Variants in CNTN3 observed in about 807,000 individuals in gnomAD.
CNTN3 encodes contactin-3.
A neutral mutation model predicts 119.1 loss-of-function variants in CNTN3; 60 were observed. The ratio of observed to expected loss-of-function variants is 0.50; its 90% CI spans 0.41 to 0.62. The LOEUF is 0.62. CNTN3 is among the 20% of genes least tolerant of loss of function. The pLI, the probability that CNTN3 is intolerant of heterozygous loss-of-function variation, is 0.00. For missense variants in CNTN3, 1,101 were observed against 1,242.4 expected, an observed-to-expected ratio of 0.89 and a Z score of 1.71; for synonymous variants, 450 against 438.7, an observed-to-expected ratio of 1.03 and a Z score of -0.32.
chr3:74,318,228 A>C (rs894985454), intron 13 of CNTN3, among the ~76,000 whole-genome samples: 1 of 151,342 alleles, frequency 6.6e-6, no homozygotes, highest in Non-Finnish European at 1.5e-5. Context: ...TTATTCAGTT[A>C]TCCATTTGTC....
intron 2 of CNTN3, among the ~76,000 whole-genome samples, chr3:74,503,825 T>C (rs1471946815): frequency 6.6e-6 from 1 of 152,068 alleles, no homozygotes; most frequent in Non-Finnish European, 1.5e-5. Flanking sequence ...CCATTTTAAA[T>C]GTACATCCTA....
intron 4 of CNTN3, among the ~76,000 whole-genome samples, chr3:74,439,764 A>T (rs940605880): frequency 6.6e-6 from 1 of 152,194 alleles, no homozygotes; most frequent in Non-Finnish European, 1.5e-5. Flanking sequence ...TCACCTACAA[A>T]AGGTGAAAAA....
chr3:74,613,931 T>C (rs1421661726), intron 1 of CNTN3, among the ~76,000 whole-genome samples: 1 of 152,208 alleles, frequency 6.6e-6, no homozygotes, highest in Non-Finnish European at 1.5e-5. Flanking sequence ...ACTTGATCGC[T>C]AATGAAAGAA....
At chr3:74,578,972 A>G (rs757874999) in intron 1 of CNTN3, among the ~76,000 whole-genome samples, 5 of 152,116 alleles carry the variant, frequency 3.3e-5, no homozygotes, top group Non-Finnish European at 7.4e-5. Flanking sequence ...GGCAAAGACT[A>G]TCAGGGTGAA....
chr3:74,304,030 T>C (rs1280302144), intron 13 of CNTN3, among the ~76,000 whole-genome samples: 1 of 152,236 alleles, frequency 6.6e-6, no homozygotes, highest in African/African-American at 2.4e-5. Context: ...TTTTGTAGTA[T>C]ATATTGTAAG....
chr3:74,381,709 A>C (rs950542466), intron 5 of CNTN3, among the ~76,000 whole-genome samples: 2 of 152,194 alleles, frequency 1.3e-5, no homozygotes, highest in Non-Finnish European at 2.9e-5. Context: ...AAAAATATCT[A>C]TCACTCTATG....
intron 5 of CNTN3, among the ~76,000 whole-genome samples, chr3:74,390,058 A>C (rs760290373): frequency 1.1e-4 from 17 of 152,202 alleles, no homozygotes; most frequent in Non-Finnish European, 2.4e-4. Flanking sequence ...AGATGCCTCC[A>C]TCACCTCTCC....
intron 11 of CNTN3, among the ~76,000 whole-genome samples, chr3:74,344,737 G>A (rs1703649426): frequency 1.3e-5 from 2 of 152,086 alleles, no homozygotes; most frequent in Non-Finnish European, 2.9e-5. Context: ...GGGATTACAG[G>A]CGTTGAGACA....
chr3:74,302,588 A>T, intron 14 of CNTN3, 102 bp downstream of exon 14: 1 of 697,616 alleles, frequency 1.4e-6, no homozygotes, highest in Non-Finnish European at 2.6e-6. Flanking sequence ...AATCAATATT[A>T]TAACTCGTAT....
chr3:74,458,062 T>C (rs1023698652), intron 4 of CNTN3, among the ~76,000 whole-genome samples: 2 of 151,974 alleles, frequency 1.3e-5, no homozygotes, highest in Admixed American at 6.6e-5. Flanking sequence ...ACTAAGAGTG[T>C]TCCAGACAAA....
intron 1 of CNTN3, among the ~76,000 whole-genome samples, chr3:74,595,102 G>C: frequency 6.6e-6 from 1 of 151,926 alleles, no homozygotes; most frequent in African/African-American, 2.4e-5. Flanking sequence ...CTTCTTTTGA[G>C]AAGTGTCTGT....
chr3:74,496,505 T>G (rs960776714), intron 3 of CNTN3, among the ~76,000 whole-genome samples: 7 of 152,068 alleles, frequency 4.6e-5, no homozygotes, highest in Admixed American at 3.9e-4. Flanking sequence ...GTTATTTGCC[T>G]GGTCCCTGTT....
intron 1 of CNTN3, among the ~76,000 whole-genome samples, chr3:74,588,695 A>G (rs988112551): frequency 1.3e-5 from 2 of 152,140 alleles, no homozygotes; most frequent in Non-Finnish European, 2.9e-5. Flanking sequence ...ATGCTACCTG[A>G]CTTCAAACTA....
chr3:74,314,689 C>T (rs1481672347), intron 13 of CNTN3, among the ~76,000 whole-genome samples: 1 of 152,120 alleles, frequency 6.6e-6, no homozygotes, highest in East Asian at 1.9e-4. Flanking sequence ...CAGAGGAATC[C>T]AGTATCATAT....
At chr3:74,382,119 A>G (rs1028013304) in intron 5 of CNTN3, among the ~76,000 whole-genome samples, 4 of 152,114 alleles carry the variant, frequency 2.6e-5, no homozygotes, top group Admixed American at 1.3e-4. Flanking sequence ...GAGGCAGGAG[A>G]ATCACTTGAA....
chr3:74,376,746 C>T (rs1704484598), intron 5 of CNTN3, among the ~76,000 whole-genome samples: 1 of 151,956 alleles, frequency 6.6e-6, no homozygotes, highest in East Asian at 1.9e-4. Flanking sequence ...ATCCCAGGTG[C>T]CAAAAAGTTT....
At chr3:74,520,062 C>T (rs1703517195) in intron 2 of CNTN3, among the ~76,000 whole-genome samples, 1 of 151,552 alleles carries the variant, frequency 6.6e-6, no homozygotes, top group Non-Finnish European at 1.5e-5. Flanking sequence ...ATTCCGCACT[C>T]ATTTTCTTCT....
chr3:74,525,683 T>G (rs1703609192), intron 1 of CNTN3, among the ~76,000 whole-genome samples: 1 of 151,940 alleles, frequency 6.6e-6, no homozygotes. Flanking sequence ...GCTTAATATA[T>G]TCACAACACG....
rs6810102 is a variant in CNTN3 at position 74,319,197 on chromosome 3, G to T, written c.1668+15538C>A. 8.3e-3 allele frequency among the ~76,000 whole-genome samples: 1,267 copies of T among 152,016 alleles called. 13 individuals carry two copies. The highest frequency in any genetic ancestry group is 0.028 in the African/African-American group (1,160 of 41,452). Reference sequence around the variant, plus strand: ...GTTCATATGGAACCAAAAAAGAGCCGGCGTCGCCAAGTCAATCCTAACCCA... The same window carrying T: ...GTTCATATGGAACCAAAAAAGAGCCTGCGTCGCCAAGTCAATCCTAACCCA... On this transcript the variant is annotated intron_variant, in intron 13 of 22. Transcript: ENST00000263665.
Sources: allele counts gnomAD v4.1 joint callset (sites outside exome capture counted in the v4.1 genomes callset), GRCh38; gene constraint gnomAD v4.1.1; transcripts MANE v1.5; gene names NCBI Gene and HGNC (gene_info 2026-07-23, HGNC 2026-07-21).